The following SLAMF6 variants were observed in gnomAD, a reference collection of about 807,000 sequenced individuals.
SLAMF6 encodes NK-T-B-antigen.
A neutral mutation model predicts 38.3 loss-of-function variants in SLAMF6; 21 were observed. The observed-to-expected ratio is 0.55, with a 90% confidence interval of 0.39 to 0.79. The LOEUF (loss-of-function observed/expected upper bound fraction) is 0.79, where lower values mean the gene tolerates loss of function less well. Ranked by LOEUF, SLAMF6 falls within the 30% of genes least tolerant of loss-of-function variation. The pLI, the probability that SLAMF6 is intolerant of heterozygous loss-of-function variation, is 0.00. For synonymous variants in SLAMF6, 152 were observed against 146.3 expected, an observed-to-expected ratio of 1.04 and a Z score of -0.28; for missense variants, 341 against 385.3, an observed-to-expected ratio of 0.89 and a Z score of 0.96.
Position 160,496,084 on chromosome 1 carries a change from G to T in SLAMF6, c.359C>A (p.Ser120Tyr). The T allele has an allele frequency of 6.2e-7, 1 of 1,613,404 alleles. No homozygotes were observed. The highest frequency in any genetic ancestry group is 8.5e-7 in the Non-Finnish European group (1 of 1,179,588). Residue 120 changes from serine to tyrosine, a missense_variant, in exon 2 of 8, where the codon TCC becomes TAC. Physicochemically the swap from Ser to Tyr is moderately radical, Grantham distance 144 (BLOSUM62 -2). Transcript: ENST00000368057. ...QISTKTSAKL[S>Y]SYTLRILRQL... ...ACTTAATATCCTCAGAGTGTAACTG[G>T]ACAGCTTTGCAGAGGTCTTTGTGGA...
rs115436065 is a variant in SLAMF6 at position 160,497,671 on chromosome 1, C to G, written c.50-1278G>C. ...TAGTAGTCCACAGCGTCTATTAATCCCATATTTATGTCCATGTGTGCTCAG... is the reference window on the plus strand; with the variant it reads ...TAGTAGTCCACAGCGTCTATTAATCGCATATTTATGTCCATGTGTGCTCAG... On this transcript the variant is annotated intron_variant, in intron 1 of 7. Transcript: ENST00000368057. 7.3e-3 allele frequency among the ~76,000 whole-genome samples: 1,105 copies of G among 152,098 alleles called. 13 individuals are homozygous for G. The highest frequency in any genetic ancestry group is 0.025 in the African/African-American group (1,046 of 41,484).
intron 1 of SLAMF6, among the ~76,000 whole-genome samples, chr1:160,497,480 A>G (rs1653648541): frequency 6.6e-6 from 1 of 152,112 alleles, no homozygotes; most frequent in Non-Finnish European, 1.5e-5. Context: ...AATTACCTCA[A>G]CCTTCTCAGG....
chr1:160,513,800 A>G (rs1654612299), intron 1 of SLAMF6, among the ~76,000 whole-genome samples: 1 of 152,222 alleles, frequency 6.6e-6, no homozygotes, highest in Non-Finnish European at 1.5e-5. Context: ...TATTTTTCAG[A>G]CAATCAAATG....
At chr1:160,512,981 C>T (rs1248678258) in intron 1 of SLAMF6, among the ~76,000 whole-genome samples, 1 of 152,160 alleles carries the variant, frequency 6.6e-6, no homozygotes, top group African/African-American at 2.4e-5. Context: ...TAACACCTCT[C>T]CAGCAGGGCA....
chr1:160,521,383 G>T (rs1160893116), intron 1 of SLAMF6, among the ~76,000 whole-genome samples: 1 of 152,036 alleles, frequency 6.6e-6, no homozygotes, highest in Non-Finnish European at 1.5e-5. Flanking sequence ...TATTTCATAG[G>T]GTCATTATAA....
chr1:160,487,033 CT>C, intron 7 of SLAMF6, 70 bp downstream of exon 7: 1 of 1,373,748 alleles, frequency 7.3e-7, no homozygotes, highest in Admixed American at 2.0e-5. Flanking sequence ...TTTATTTTTA[CT>C]TTATTTGAAA....
intron 4 of SLAMF6, 42 bp from the exon 5 acceptor site, chr1:160,490,278 G>A: frequency 6.2e-7 from 1 of 1,612,282 alleles, no homozygotes. Flanking sequence ...TGACAGCAGT[G>A]GGAGAGGCAT....
Position 160,496,194 on chromosome 1 carries a change from T to C in SLAMF6, c.249A>G (p.Gly83=). Residue 83 remains glycine, a synonymous_variant, in exon 2 of 8, where the codon GGA becomes GGG. Coordinates refer to ENST00000368057, the MANE Select transcript of SLAMF6 (RefSeq NM_001184714.2). ...AGGACTGGGTGAAGTTCAGTCGCTTTCCCTGTTTCGGATTAGTCACGTGGA... is the reference window on the plus strand; with the variant it reads ...AGGACTGGGTGAAGTTCAGTCGCTTCCCCTGTTTCGGATTAGTCACGTGGA... ...PEIHVTNPKQ[G]KRLNFTQSYS... is the part of the protein sequence containing the mutation. 6.2e-7 allele frequency: 1 copy of C among 1,613,968 alleles called. No homozygotes were observed. Among genetic ancestry groups the C allele is most frequent in the Non-Finnish European group, 8.5e-7 (1 of 1,179,918 alleles).
intron 1 of SLAMF6, among the ~76,000 whole-genome samples, chr1:160,513,384 A>C (rs1654586511): frequency 6.6e-6 from 1 of 152,190 alleles, no homozygotes; most frequent in African/African-American, 2.4e-5. Flanking sequence ...CGAACCTACA[A>C]CTGATTATGG....
chr1:160,495,206 G>A (rs1216075758), intron 2 of SLAMF6, among the ~76,000 whole-genome samples: 1 of 152,148 alleles, frequency 6.6e-6, no homozygotes, highest in Non-Finnish European at 1.5e-5. Context: ...GCCCTCAAGT[G>A]GATAAAAATT....
At chr1:160,496,873 G>A (rs1332489031) in intron 1 of SLAMF6, among the ~76,000 whole-genome samples, 2 of 152,204 alleles carry the variant, frequency 1.3e-5, no homozygotes, top group African/African-American at 2.4e-5. Flanking sequence ...ACTAATATCA[G>A]GGATTTATAG....
At chr1:160,501,793 G>A (rs1406582438) in intron 1 of SLAMF6, among the ~76,000 whole-genome samples, 1 of 150,796 alleles carries the variant, frequency 6.6e-6, no homozygotes, top group African/African-American at 2.4e-5. Context: ...TCAAGGATGA[G>A]CTAAAATATC....
At chr1:160,503,843 C>A (rs1199103982) in intron 1 of SLAMF6, among the ~76,000 whole-genome samples, 2 of 151,810 alleles carry the variant, frequency 1.3e-5, no homozygotes, top group Non-Finnish European at 2.9e-5. Context: ...TCTAGTCTGG[C>A]CAACATGGTG....
chr1:160,521,232 T>C (rs1297750577), intron 1 of SLAMF6, among the ~76,000 whole-genome samples: 1 of 152,196 alleles, frequency 6.6e-6, no homozygotes, highest in Non-Finnish European at 1.5e-5. Context: ...TCAGAACACC[T>C]GCATCTGCCT....
chr1:160,501,593 T>C (rs996062822), intron 1 of SLAMF6, among the ~76,000 whole-genome samples: 3 of 151,876 alleles, frequency 2.0e-5, no homozygotes, highest in African/African-American at 7.3e-5. Flanking sequence ...GAGTTGGGAG[T>C]TGTCAGGGAA....
chr1:160,511,103 T>A (rs931004832), intron 1 of SLAMF6, among the ~76,000 whole-genome samples: 2 of 152,134 alleles, frequency 1.3e-5, no homozygotes, highest in Non-Finnish European at 2.9e-5. Flanking sequence ...TGGAAATACA[T>A]CCTATGTTCA....
chr1:160,521,724 C>A (rs887001339), intron 1 of SLAMF6, among the ~76,000 whole-genome samples: 4 of 152,112 alleles, frequency 2.6e-5, no homozygotes, highest in African/African-American at 4.8e-5. Flanking sequence ...TCATGTATAG[C>A]ACACTGACAT....
chr1:160,514,237 A>G (rs1403056520), intron 1 of SLAMF6, among the ~76,000 whole-genome samples: 1 of 152,166 alleles, frequency 6.6e-6, no homozygotes, highest in Non-Finnish European at 1.5e-5. Context: ...GACAAAATAG[A>G]CTTTAAAGCA....
At chr1:160,492,489 G>A (rs944880187) in intron 2 of SLAMF6, among the ~76,000 whole-genome samples, 2 of 152,018 alleles carry the variant, frequency 1.3e-5, no homozygotes, top group Non-Finnish European at 2.9e-5. Flanking sequence ...CACTTCTCAG[G>A]TAATTTTGAG....
Sources: allele counts gnomAD v4.1 joint callset (sites outside exome capture counted in the v4.1 genomes callset), GRCh38; gene constraint gnomAD v4.1.1; transcripts MANE v1.5; gene names NCBI Gene and HGNC (gene_info 2026-07-23, HGNC 2026-07-21).